Variants in STOM observed in about 807,000 individuals in gnomAD.
STOM encodes the protein stomatin.
In STOM, 25 loss-of-function variants were observed where a neutral mutation model predicts 30.6. The ratio of observed to expected loss-of-function variants is 0.82; its 90% CI spans 0.60 to 1.14. The LOEUF is 1.14. STOM is among the 50% of genes most tolerant of loss of function. STOM has a pLI of 0.00. For missense variants in STOM, 292 were observed against 365.2 expected, an observed-to-expected ratio of 0.80 and a Z score of 1.63; for synonymous variants, 118 against 130.8, an observed-to-expected ratio of 0.90 and a Z score of 0.67.
At position 121,367,938 on chromosome 9, in the gene STOM, CTG is replaced by C. The variant is rs1444934169; in HGVS notation, c.61+2187_61+2188del. 2.0e-5 allele frequency among the ~76,000 whole-genome samples: 3 copies of C among 152,282 alleles called. No homozygotes were observed. The East Asian group carries it at 5.8e-4, about 29-fold the overall frequency. ...GAAACAGGGCTGAAAATTTTAGAAA[CTG>C]TGATTTTGCCATGTGAGCCGCAGTA... On this transcript the variant is annotated intron_variant, in intron 1 of 6. Transcript: ENST00000286713.
At chr9:121,349,559 CAG>C (rs1158130353) in intron 4 of STOM, among the ~76,000 whole-genome samples, 1 of 151,948 alleles carries the variant, frequency 6.6e-6, no homozygotes, top group Non-Finnish European at 1.5e-5. Context: ...TACTAGGTAC[CAG>C]GGATTAAGGT....
At chr9:121,354,367 A>T (rs531134103) in intron 3 of STOM, among the ~76,000 whole-genome samples, 1 of 152,164 alleles carries the variant, frequency 6.6e-6, no homozygotes, top group South Asian at 2.1e-4. Context: ...CAATAAAAAA[A>T]TTTTAGACTG....
Position 121,341,255 on chromosome 9 carries a change from G to A in STOM, c.814C>T (p.Pro272Ser), listed in dbSNP as rs373786743. Residue 272 changes from proline to serine, a missense_variant, in exon 7 of 7, where the codon CCC (proline) becomes TCC (serine). Pro to Ser is a moderately conservative substitution (Grantham distance 74). Transcript: ENST00000286713. ...ATGATTCCTTGCAGCATATCTATGG[G>A]CAGAGGGAAGACAATTGTTGAGTTT... The part of the protein sequence containing the change: ...EKNSTIVFPL[P>S]IDMLQGIIGA... 1 of 1,614,146 alleles carries A rather than the reference G, an allele frequency of 6.2e-7. No homozygotes were observed. The highest frequency in any genetic ancestry group is 2.2e-5 in the East Asian group (1 of 44,868).
At chr9:121,355,076 T>C (rs1334131829) in intron 2 of STOM, among the ~76,000 whole-genome samples, 1 of 151,790 alleles carries the variant, frequency 6.6e-6, no homozygotes, top group Non-Finnish European at 1.5e-5. Flanking sequence ...CTGGCCAACA[T>C]GGTGAAACCC....
chr9:121,370,103 AG>A (rs1209757500), intron 1 of STOM, 23 bp downstream of exon 1: 1 of 1,530,326 alleles, frequency 6.5e-7, no homozygotes, highest in African/African-American at 1.4e-5. Flanking sequence ...TCCACGGGGG[AG>A]GGTCAGGGGA....
At position 121,354,154 on chromosome 9, in the gene STOM, A is replaced by AT. The variant is rs1361220144; in HGVS notation, c.238+446dup. ...GACTGAAAGTCTTTCTTTGGTAGAG[A>AT]TTCTCATGCTCAAACTTGTATAGCT... On this transcript the variant is annotated intron_variant, in intron 3 of 6. Coordinates refer to ENST00000286713, the MANE Select transcript of STOM (RefSeq NM_004099.6). Among the ~76,000 whole-genome samples the AT allele has an allele frequency of 3.9e-5, 6 of 152,300 alleles. 1 individual carries two copies. The highest frequency in any genetic ancestry group is 3.9e-4 in the Admixed American group (6 of 15,302).
Position 121,340,735 on chromosome 9 carries a change from A to G in STOM, c.*467T>C, listed in dbSNP as rs2064238619. The G allele has an allele frequency of 1.0e-6, 1 of 992,942 alleles. No homozygotes were observed. Among genetic ancestry groups the G allele is most frequent in the Non-Finnish European group, 1.2e-6 (1 of 834,312 alleles). The allele number at this position is 992,942 out of a possible 1,614,324, so 61.5% of individuals were successfully genotyped here. ...ATTGCACTCCAGCCTGGGCAACAAG[A>G]GTGAAACTCCATCTCAGAAAAAAAA... On this transcript the variant is annotated 3_prime_UTR_variant, in exon 7 of 7. Transcript: ENST00000286713.
intron 4 of STOM, 65 bp from the exon 5 acceptor site, chr9:121,349,388 T>G (rs1382194984): frequency 2.1e-6 from 3 of 1,420,056 alleles, no homozygotes; most frequent in Non-Finnish European, 3.0e-6. Context: ...CTGTAAGGAA[T>G]GTTATTCTAC....
In STOM at chr9:121,341,274, T is replaced by C. The variant is rs1402301632; in HGVS notation, c.795A>G (p.Ser265=). 1.2e-6 allele frequency: 2 copies of C among 1,614,056 alleles called. No individual in the cohort carries two copies. Among genetic ancestry groups the C allele is most frequent in the Non-Finnish European group, 1.7e-6 (2 of 1,180,032 alleles). The change falls in exon 7 of 7, where the codon TCA becomes TCG. Residue 265 remains serine (S), a synonymous_variant. Transcript: ENST00000286713. ...TLTTIAAEKN[S]TIVFPLPIDM... is the part of the protein sequence containing the mutation. ...CTATGGGCAGAGGGAAGACAATTGT[T>C]GAGTTTTTCTCAGCAGCAATGGTGG...
At chr9:121,346,627 T>C (rs1184519524) in intron 6 of STOM, among the ~76,000 whole-genome samples, 1 of 152,202 alleles carries the variant, frequency 6.6e-6, no homozygotes, top group Non-Finnish European at 1.5e-5. Flanking sequence ...TAGGGCACAT[T>C]TAATAACATC....
intron 4 of STOM, among the ~76,000 whole-genome samples, chr9:121,349,603 G>A (rs931893981): frequency 6.6e-6 from 1 of 152,206 alleles, no homozygotes; most frequent in Non-Finnish European, 1.5e-5. Context: ...CTTTGAAGGA[G>A]GTTAGGGAAT....
intron 1 of STOM, among the ~76,000 whole-genome samples, chr9:121,366,981 A>C (rs1354619478): frequency 6.6e-6 from 1 of 151,412 alleles, no homozygotes; most frequent in Non-Finnish European, 1.5e-5. Flanking sequence ...CAGCTACTCG[A>C]GGGGCTGAGG....
At chr9:121,347,418 T>C (rs2134025198) in intron 6 of STOM, among the ~76,000 whole-genome samples, 1 of 151,444 alleles carries the variant, frequency 6.6e-6, no homozygotes, top group East Asian at 1.9e-4. Context: ...CATAGGCAGA[T>C]GATGATGAAA....
chr9:121,358,586 C>T (rs1392317868), intron 1 of STOM, among the ~76,000 whole-genome samples: 1 of 152,236 alleles, frequency 6.6e-6, no homozygotes, highest in Non-Finnish European at 1.5e-5. Context: ...ACCCCCACCA[C>T]ATACTTATAC....
chr9:121,358,358 G>A (rs1299685660), intron 1 of STOM, among the ~76,000 whole-genome samples: 1 of 151,982 alleles, frequency 6.6e-6, no homozygotes, highest in Non-Finnish European at 1.5e-5. Flanking sequence ...CAGCTACTGA[G>A]GAGACTGAAA....
At chr9:121,362,603 C>A (rs1024084376) in intron 1 of STOM, among the ~76,000 whole-genome samples, 4 of 152,186 alleles carry the variant, frequency 2.6e-5, no homozygotes, top group African/African-American at 9.7e-5. Flanking sequence ...AAAATTCTCT[C>A]ATTCTGAAGG....
chr9:121,343,660 A>G (rs1353230021), intron 6 of STOM, among the ~76,000 whole-genome samples: 3 of 152,202 alleles, frequency 2.0e-5, no homozygotes, highest in African/African-American at 7.2e-5. Context: ...ACTGAGGTAT[A>G]AAAATGGTAT....
At position 121,339,371 on chromosome 9, in the gene STOM, T is replaced by A. The variant is rs986813980; in HGVS notation, c.*1831A>T. 2.3e-5 allele frequency: 9 copies of A among 392,702 alleles called. No individual in the cohort carries two copies. Among genetic ancestry groups the A allele is most frequent in the Non-Finnish European group, 3.2e-5 (8 of 246,756 alleles). 24.3% of individuals were successfully genotyped at this position (392,702 alleles called of 1,614,324 possible). ...AGGGTGAACCACTTCACACAACAGA[T>A]AAAACCATCATTTTAAAATTCAAAA... On this transcript the variant is annotated 3_prime_UTR_variant, in exon 7 of 7. Coordinates refer to ENST00000286713, the MANE Select transcript of STOM (RefSeq NM_004099.6).
rs1378653922 is a variant in STOM, at chr9:121,340,983, C to CAA, written c.*218_*219insTT. 7.2e-7 allele frequency: 1 copy of CAA among 1,394,130 alleles called. No homozygotes were observed. Among genetic ancestry groups the CAA allele is most frequent in the African/African-American group, 1.5e-5 (1 of 68,888 alleles). The allele number at this position is 1,394,130 out of a possible 1,614,324, so 86.4% of individuals were successfully genotyped here. A position where few individuals can be genotyped will look rare whatever the true frequency, so the allele number is the denominator to read the frequency against. On this transcript the variant is annotated 3_prime_UTR_variant, in exon 7 of 7. Coordinates refer to ENST00000286713, the MANE Select transcript of STOM (RefSeq NM_004099.6). ...CTACATAATAATCTAAAAATACAAA[C>CAA]TTTTAACTATTTTAAGACTAACAGA...
Sources: gnomAD v4.1 joint callset for allele counts (sites outside exome capture counted in the v4.1 genomes callset) on GRCh38, gnomAD v4.1.1 for gene constraint, MANE v1.5 for transcripts, NCBI Gene and HGNC (gene_info 2026-07-23, HGNC 2026-07-21) for gene names.